Variants in ATAD2B observed in about 807,000 individuals in gnomAD.
ATAD2B encodes ATPase family AAA domain containing 2B, also known as ATPase family AAA domain-containing protein 2B.
A neutral mutation model predicts 167.6 loss-of-function variants in ATAD2B; 40 were observed. That is an observed-to-expected ratio of 0.24 (90% CI 0.19 to 0.31). The LOEUF is 0.31. Ranked by LOEUF, ATAD2B falls within the 10% of genes least tolerant of loss-of-function variation. The pLI is 1.00. For missense variants in ATAD2B, 1,242 were observed against 1,757.2 expected (o/e 0.71, Z 5.24); for synonymous variants, 579 against 596.5 (o/e 0.97, Z 0.43).
At position 23,798,822 on chromosome 2, in the gene ATAD2B, T is replaced by C. The variant is rs17045927; in HGVS notation, c.2455-499A>G. On this transcript the variant is annotated intron_variant, in intron 18 of 27. Transcript: ENST00000238789. ...GTACCACCCTAGAGCTTAAAATTAA[T>C]GAACTACTTGCTGAAACAGTCATTC... 3.3e-3 allele frequency among the ~76,000 whole-genome samples: 507 copies of C among 152,332 alleles called. 4 individuals carry two copies. The highest frequency in any genetic ancestry group is 0.012 in the African/African-American group (492 of 41,596).
At chr2:23,704,042 C>T in the ATAD2B span, among the ~76,000 whole-genome samples, 42 of 152,336 alleles carry the variant, frequency 2.8e-4, 1 homozygote, top group African/African-American at 7.9e-4. Flanking sequence ...GAGCCCACGG[C>T]AGCCTCTGGT....
the ATAD2B span, among the ~76,000 whole-genome samples, chr2:23,742,240 A>G: frequency 1.3e-5 from 2 of 152,188 alleles, no homozygotes; most frequent in Non-Finnish European, 2.9e-5. Flanking sequence ...TGCTGCTATA[A>G]AGACACATGC....
chr2:23,792,285 G>A (rs1355161587), intron 19 of ATAD2B, among the ~76,000 whole-genome samples: 1 of 151,906 alleles, frequency 6.6e-6, no homozygotes, highest in Non-Finnish European at 1.5e-5. Context: ...CTGACCTCGT[G>A]ATCCACCAGC....
chr2:23,795,998 C>T (rs922616679), intron 19 of ATAD2B, among the ~76,000 whole-genome samples: 7 of 152,100 alleles, frequency 4.6e-5, no homozygotes, highest in African/African-American at 1.7e-4. Flanking sequence ...TTTTGGGAGG[C>T]TGAGGCAGGA....
At chr2:23,806,503 G>T (rs1684411341) in intron 18 of ATAD2B, among the ~76,000 whole-genome samples, 1 of 152,002 alleles carries the variant, frequency 6.6e-6, no homozygotes, top group Non-Finnish European at 1.5e-5. Flanking sequence ...TTTTGGTAGG[G>T]CGCCCTAATG....
chr2:23,882,652 CA>C (rs1049486305), intron 6 of ATAD2B, among the ~76,000 whole-genome samples: 2 of 148,230 alleles, frequency 1.3e-5, no homozygotes, highest in East Asian at 2.0e-4. Context: ...ACAAAAAATA[CA>C]AAAAAAAATA....
chr2:23,883,547 T>C, intron 6 of ATAD2B: 5 of 1,108,090 alleles, frequency 4.5e-6, no homozygotes, highest in Non-Finnish European at 6.0e-6. Context: ...TCTACAAAGA[T>C]GTTCAGTTAA....
chr2:23,901,723 TAA>T (rs1700865066), intron 1 of ATAD2B, among the ~76,000 whole-genome samples: 1 of 152,172 alleles, frequency 6.6e-6, no homozygotes, highest in South Asian at 2.1e-4. Flanking sequence ...GCAAAACTTC[TAA>T]GAGTATTATG....
chr2:23,749,259 T>G lies in ATAD2B; in HGVS notation c.*2787A>C, dbSNP rs1675111614. ...TTTCAACCCTAGTGCGGTTCCATCA[T>G]CTTCAAAAAGCCCCCAGGGTCCCCA... On this transcript the variant is annotated 3_prime_UTR_variant, in exon 28 of 28. Coordinates refer to ENST00000238789, the MANE Select transcript of ATAD2B (RefSeq NM_017552.4). 3 of 152,022 alleles carry G rather than the reference T, an allele frequency of 2.0e-5. No individual in the cohort carries two copies. The highest frequency in any genetic ancestry group is 1.3e-4 in the Admixed American group (2 of 15,240). 9.4% of individuals were successfully genotyped at this position (152,022 alleles called of 1,614,324 possible). A position where few individuals can be genotyped will look rare whatever the true frequency, so the allele number is the denominator to read the frequency against.
At chr2:23,691,214 T>C in the ATAD2B span, 1 of 214,610 alleles carries the variant, frequency 4.7e-6, no homozygotes. Context: ...TCAGAGGATA[T>C]CTCTGGATTG....
the ATAD2B span, among the ~76,000 whole-genome samples, chr2:23,704,376 G>C: frequency 2.0e-5 from 3 of 152,202 alleles, no homozygotes; most frequent in African/African-American, 7.2e-5. Context: ...GCTGAGTGTG[G>C]CTCGGTCCCC....
intron 1 of ATAD2B, among the ~76,000 whole-genome samples, chr2:23,906,089 T>C (rs1169581730): frequency 6.6e-6 from 1 of 152,054 alleles, no homozygotes; most frequent in African/African-American, 2.4e-5. Flanking sequence ...GTAATCCCGA[T>C]ACTTTGGGAA....
intron 1 of ATAD2B, among the ~76,000 whole-genome samples, chr2:23,912,911 A>T (rs908522533): frequency 1.3e-5 from 2 of 152,148 alleles, no homozygotes; most frequent in African/African-American, 4.8e-5. Context: ...CAGGAGAATC[A>T]CTGGAAACCA....
chr2:23,840,960 A>G (rs374668086), intron 13 of ATAD2B, among the ~76,000 whole-genome samples: 1 of 152,172 alleles, frequency 6.6e-6, no homozygotes. Context: ...AGAATGGAGT[A>G]CAGTGGCACG....
intron 15 of ATAD2B, chr2:23,827,787 T>C (rs1688470046): frequency 2.0e-5 from 3 of 152,632 alleles, no homozygotes; most frequent in African/African-American, 4.8e-5. Flanking sequence ...AGATTTACGT[T>C]TTCTCCTCAC....
chr2:23,883,279 CAA>C (rs56994882), intron 6 of ATAD2B, among the ~76,000 whole-genome samples: 3,661 of 89,036 alleles, frequency 0.041, 120 homozygotes, highest in African/African-American at 0.14. Flanking sequence ...AAAACTGTCT[CAA>C]AAAAAAAAAA....
the ATAD2B span, among the ~76,000 whole-genome samples, chr2:23,736,590 C>T: frequency 2.0e-5 from 3 of 152,184 alleles, no homozygotes; most frequent in Non-Finnish European, 4.4e-5. Flanking sequence ...ATAAGAACAG[C>T]TCCGGTCTAC....
chr2:23,790,994 C>G (rs896566250), intron 19 of ATAD2B, among the ~76,000 whole-genome samples: 1 of 152,198 alleles, frequency 6.6e-6, no homozygotes, highest in African/African-American at 2.4e-5. Context: ...GCCTAACAAC[C>G]ACTGATAATG....
chr2:23,678,922 G>A, the ATAD2B span, among the ~76,000 whole-genome samples: 4 of 152,128 alleles, frequency 2.6e-5, no homozygotes, highest in South Asian at 2.1e-4. Flanking sequence ...GAGGTGGGGA[G>A]TGGTTGTTTA....
Sources: gnomAD v4.1 joint callset for allele counts (sites outside exome capture counted in the v4.1 genomes callset) on GRCh38, gnomAD v4.1.1 for gene constraint, MANE v1.5 for transcripts, NCBI Gene and HGNC (gene_info 2026-07-23, HGNC 2026-07-21) for gene names.